GPHN: variants seen among roughly 807,000 people sequenced by gnomAD.
GPHN encodes gephyrin.
GPHN carries 17 observed loss-of-function variants against 95.5 expected under a neutral mutation model. The observed-to-expected ratio is 0.18, with a 90% CI of 0.12 to 0.27. The LOEUF (loss-of-function observed/expected upper bound fraction) is 0.27. Among genes scored for constraint, GPHN ranks in the 10% least tolerant of loss-of-function variants. The pLI is 1.00. For missense variants in GPHN, 660 were observed against 978.1 expected, an observed-to-expected ratio of 0.67 and a Z score of 4.34; for synonymous variants, 320 against 322.5, an observed-to-expected ratio of 0.99 and a Z score of 0.08.
intron 1 of GPHN, among the ~76,000 whole-genome samples, chr14:66,645,998 C>T (rs2064725330): frequency 6.6e-6 from 1 of 152,084 alleles, no homozygotes. Context: ...GGTCACTTCT[C>T]ATATGATTTG....
chr14:66,835,515 A>T (rs977271630), intron 4 of GPHN, among the ~76,000 whole-genome samples: 1 of 151,626 alleles, frequency 6.6e-6, no homozygotes, highest in Non-Finnish European at 1.5e-5. Context: ...AACTGGAAGC[A>T]TTCCCTTTGA....
intron 14 of GPHN, among the ~76,000 whole-genome samples, chr14:67,111,234 A>C (rs867382362): frequency 6.6e-6 from 1 of 152,212 alleles, no homozygotes; most frequent in Non-Finnish European, 1.5e-5. Flanking sequence ...CTGCCTAAGC[A>C]GATTTATTGG....
chr14:66,726,197 C>A (rs932971623), intron 2 of GPHN, among the ~76,000 whole-genome samples: 1 of 152,184 alleles, frequency 6.6e-6, no homozygotes, highest in East Asian at 1.9e-4. Flanking sequence ...AATAAAAATA[C>A]ACTATTTATA....
At chr14:66,594,357 A>G (rs368040773) in intron 1 of GPHN, among the ~76,000 whole-genome samples, 5 of 152,296 alleles carry the variant, frequency 3.3e-5, no homozygotes, top group African/African-American at 9.6e-5. Flanking sequence ...CAAAATAGCT[A>G]GAGCAATGTT....
intron 8 of GPHN, among the ~76,000 whole-genome samples, chr14:66,949,611 T>C (rs951815951): frequency 6.6e-6 from 1 of 152,180 alleles, no homozygotes; most frequent in Non-Finnish European, 1.5e-5. Context: ...CTGTACTTCT[T>C]TGTACATAGG....
chr14:66,697,425 A>G (rs2068172485), intron 2 of GPHN, among the ~76,000 whole-genome samples: 1 of 152,094 alleles, frequency 6.6e-6, no homozygotes, highest in South Asian at 2.1e-4. Flanking sequence ...GTAATTTTGG[A>G]TAATTGTTGT....
chr14:66,556,702 AAT>A (rs1374884877), intron 1 of GPHN, among the ~76,000 whole-genome samples: 3 of 152,024 alleles, frequency 2.0e-5, no homozygotes, highest in East Asian at 1.9e-4. Context: ...TAGTTTTAAA[AAT>A]ATGTTTATAT....
At chr14:66,537,641 G>A (rs768651983) in intron 1 of GPHN, among the ~76,000 whole-genome samples, 19 of 151,792 alleles carry the variant, frequency 1.3e-4, no homozygotes, top group Non-Finnish European at 2.8e-4. Flanking sequence ...CCTTTCTAAT[G>A]CTCATAATTC....
At chr14:67,651,589 T>C in the GPHN span, 1 of 1,246,534 alleles carries the variant, frequency 8.0e-7, no homozygotes, top group Non-Finnish European at 1.1e-6. Flanking sequence ...AGGCTGTATG[T>C]TTGATCACAC....
the GPHN span, among the ~76,000 whole-genome samples, chr14:67,356,230 G>C: frequency 6.6e-6 from 1 of 151,976 alleles, no homozygotes; most frequent in Non-Finnish European, 1.5e-5. Context: ...GACCACCCTG[G>C]CCAACATAGT....
At chr14:67,731,207 C>CTTTTTT in the GPHN span, among the ~76,000 whole-genome samples, 21 of 90,584 alleles carry the variant, frequency 2.3e-4, no homozygotes, top group African/African-American at 3.9e-4. Context: ...TTCTTTCTTT[C>CTTTTTT]TTTTTTTTTT....
Position 67,143,379 on chromosome 14 carries a change from A to G in GPHN, c.1766A>G (p.Asn589Ser), listed in dbSNP as rs903197780. 7.5e-6 allele frequency: 12 copies of G among 1,608,860 alleles called. No homozygotes were observed. The Admixed American group carries it at 1.0e-4, about 13-fold the overall frequency. The change falls in exon 18 of 23, where the codon AAT becomes AGT. Residue 589 changes from asparagine (N) to serine (S), a missense_variant. Asn to Ser is a conservative substitution (Grantham distance 46). Transcript: ENST00000478722. The stretch of plus-strand genomic sequence containing the variant: ...TTTTCCAGCCCAGATGACTTACTCA[A>G]TGCCTTGAATGAGGGTATCAGTCGT... The part of the protein sequence containing the change: ...IVGDNPDDLL[N>S]ALNEGISRAD...
At chr14:66,996,167 G>T (rs1327280595) in intron 9 of GPHN, 3 of 1,530,668 alleles carry the variant, frequency 2.0e-6, no homozygotes, top group Non-Finnish European at 2.6e-6. Flanking sequence ...TTTCCCCACT[G>T]CAAAACCAGG....
the GPHN span, chr14:67,533,322 C>G: frequency 1.3e-5 from 2 of 151,632 alleles, no homozygotes; most frequent in African/African-American, 2.4e-5. Flanking sequence ...GAGAGCGACG[C>G]AAGGTCGGCT....
chr14:67,134,621 C>T (rs1295854224), intron 17 of GPHN, among the ~76,000 whole-genome samples: 1 of 152,178 alleles, frequency 6.6e-6, no homozygotes, highest in African/African-American at 2.4e-5. Flanking sequence ...ATCAGGAAGT[C>T]TGGATGAAAT....
chr14:67,243,274 C>T, the GPHN span, among the ~76,000 whole-genome samples: 1 of 151,596 alleles, frequency 6.6e-6, no homozygotes, highest in African/African-American at 2.4e-5. Context: ...GCAGTCTCCA[C>T]CTCCCTGGTT....
intron 4 of GPHN, among the ~76,000 whole-genome samples, chr14:66,864,436 C>A (rs1414112862): frequency 6.6e-6 from 1 of 152,086 alleles, no homozygotes; most frequent in Non-Finnish European, 1.5e-5. Flanking sequence ...AATGGAGCTA[C>A]CATATGATCC....
At chr14:66,933,433 C>G (rs7145844) in intron 8 of GPHN, among the ~76,000 whole-genome samples, 33,876 of 151,998 alleles carry the variant, frequency 0.22, 5,602 homozygotes, top group East Asian at 0.46. Flanking sequence ...ACAAGTTTTA[C>G]CTATGTAAAA....
chr14:66,635,739 A>G (rs2064062493), intron 1 of GPHN, among the ~76,000 whole-genome samples: 1 of 152,202 alleles, frequency 6.6e-6, no homozygotes, highest in Non-Finnish European at 1.5e-5. Context: ...AATTCCTAGC[A>G]CTGTGATACT....
Sources: allele counts gnomAD v4.1 joint callset (sites outside exome capture counted in the v4.1 genomes callset), GRCh38; gene constraint gnomAD v4.1.1; transcripts MANE v1.5; gene names NCBI Gene and HGNC (gene_info 2026-07-23, HGNC 2026-07-21).